PCDHGB2: variants seen among roughly 807,000 people sequenced by gnomAD.
The protein encoded by PCDHGB2 is protocadherin gamma-B2.
In PCDHGB2, 55 loss-of-function variants were observed where a neutral mutation model predicts 59.3. The ratio of observed to expected loss-of-function variants is 0.93; its 90% CI spans 0.75 to 1.16. The LOEUF (loss-of-function observed/expected upper bound fraction) is 1.16. PCDHGB2 is among the 50% of genes most tolerant of loss of function. PCDHGB2 has a pLI of 0.00. For synonymous variants in PCDHGB2, 516 were observed against 512.0 expected, an observed-to-expected ratio of 1.01 and a Z score of -0.11; for missense variants, 1,228 against 1,198.5, an observed-to-expected ratio of 1.02 and a Z score of -0.36.
At position 141,494,704 on chromosome 5, in the gene PCDHGB2, T is replaced by C. The variant is rs2099756232; in HGVS notation, c.2422-103T>C. Reference sequence around the variant, plus strand: ...CCCCCTCTTAGTCCGTTTTCTTCTCTGTGCCCACTCCCCTCCTTCTCTCCC... The same window carrying C: ...CCCCCTCTTAGTCCGTTTTCTTCTCCGTGCCCACTCCCCTCCTTCTCTCCC... On this transcript the variant is annotated intron_variant, in intron 1 of 3. Transcript: ENST00000522605. The C allele has an allele frequency of 3.1e-6, 5 of 1,597,570 alleles. No individual in the cohort carries two copies. The Admixed American group carries it at 8.5e-5, about 27-fold the overall frequency.
intron 1 of PCDHGB2, chr5:141,403,960 G>T (rs775638627): frequency 1.9e-6 from 3 of 1,613,776 alleles, no homozygotes; most frequent in South Asian, 2.2e-5. Context: ...TGCTCATTTC[G>T]GTGGAAGATG....
chr5:141,409,748 G>A (rs2095311209), intron 1 of PCDHGB2: 1 of 1,613,018 alleles, frequency 6.2e-7, no homozygotes, highest in Non-Finnish European at 8.5e-7. Context: ...GGTGGTGTTC[G>A]CGCAGCGCGC....
intron 1 of PCDHGB2, chr5:141,378,751 G>C (rs72790019): frequency 1.3e-5 from 2 of 152,014 alleles, no homozygotes; most frequent in African/African-American, 4.8e-5. Context: ...AAGAAAAAAG[G>C]GATTATCATT....
At chr5:141,421,974 C>T in intron 1 of PCDHGB2, 3 of 1,609,644 alleles carry the variant, frequency 1.9e-6, no homozygotes, top group African/African-American at 1.3e-5. Flanking sequence ...CCGTATATCG[C>T]GTGAGTGTTC....
At chr5:141,407,602 G>A (rs1395597779) in intron 1 of PCDHGB2, among the ~76,000 whole-genome samples, 2 of 152,064 alleles carry the variant, frequency 1.3e-5, no homozygotes, top group Non-Finnish European at 2.9e-5. Context: ...ATCTTAAAAA[G>A]AAGCATTGGT....
chr5:141,492,320 G>A (rs1001784912), intron 1 of PCDHGB2, among the ~76,000 whole-genome samples: 1 of 152,206 alleles, frequency 6.6e-6, no homozygotes. Flanking sequence ...CTCCTCGCAC[G>A]TGGGCTTACG....
At chr5:141,366,280 C>T (rs1764463733) in intron 1 of PCDHGB2, 1 of 1,613,692 alleles carries the variant, frequency 6.2e-7, no homozygotes, top group African/African-American at 1.3e-5. Context: ...AAGACCATGG[C>T]CAGCCCCCTC....
In PCDHGB2 at chr5:141,499,962, A is replaced by G. The variant is rs147527188; in HGVS notation, c.2480+5097A>G. Among the ~76,000 whole-genome samples the G allele has an allele frequency of 3.7e-3, 563 of 152,178 alleles. 5 individuals are homozygous for G. Among genetic ancestry groups the G allele is most frequent in the Admixed American group, 0.011 (164 of 15,288 alleles). On this transcript the variant is annotated intron_variant, in intron 2 of 3. Coordinates refer to ENST00000522605, the MANE Select transcript of PCDHGB2 (RefSeq NM_018923.3). ...CTCGGCCTCCCAAAATGTTGGGATT[A>G]CAGGTGTGAGCCACCTTGCCCGGCC...
At chr5:141,367,492 G>A (rs1260519213) in intron 1 of PCDHGB2, 2 of 152,030 alleles carry the variant, frequency 1.3e-5, no homozygotes, top group African/African-American at 2.4e-5. Context: ...AGCCGAGATC[G>A]CGCCACTGCA....
At chr5:141,385,408 A>G in intron 1 of PCDHGB2, 1 of 1,478,414 alleles carries the variant, frequency 6.8e-7, no homozygotes, top group Middle Eastern at 1.8e-4. Flanking sequence ...TGTTTTGAAA[A>G]TAGGGATTTA....
intron 1 of PCDHGB2, among the ~76,000 whole-genome samples, chr5:141,459,307 A>G (rs1175102009): frequency 6.6e-6 from 1 of 152,198 alleles, no homozygotes; most frequent in Non-Finnish European, 1.5e-5. Context: ...AACATATACT[A>G]TTTTGTATCC....
At chr5:141,423,882 C>T in intron 1 of PCDHGB2, 3 of 1,282,372 alleles carry the variant, frequency 2.3e-6, no homozygotes, top group Non-Finnish European at 3.0e-6. Context: ...TCAATCTTGG[C>T]ATATTTTCTT....
In PCDHGB2 at chr5:141,511,223, A is replaced by G. The variant is rs1193308928; in HGVS notation, c.*50A>G. On this transcript the variant is annotated 3_prime_UTR_variant, in exon 4 of 4. Transcript: ENST00000522605. ...AGGGCGGCCTCTCCCCAACCAGCCC[A>G]GCTTCTCCTTACCTGCACCCAGGCC... 1 of 1,604,390 alleles carries G rather than the reference A, an allele frequency of 6.2e-7. No individual in the cohort carries two copies.
intron 1 of PCDHGB2, chr5:141,479,417 T>A (rs2099495481): frequency 6.6e-6 from 1 of 152,210 alleles, no homozygotes; most frequent in Non-Finnish European, 1.5e-5. Context: ...ACTATGCTGA[T>A]CAATTGATCA....
intron 1 of PCDHGB2, chr5:141,415,740 G>GTTTTTTTTTTTTTTTTTTTTTTTTT: frequency 1.8e-5 from 11 of 617,990 alleles, no homozygotes; most frequent in Non-Finnish European, 2.4e-5. Context: ...GTTTATTAAG[G>GTTTTTTTTTTTTTTTTTTTTTTTTT]TTTTTTTTTT....
In PCDHGB2 at chr5:141,476,839, G is replaced by T; in HGVS notation, c.2422-17968G>T. The T allele has an allele frequency of 1.9e-6, 3 of 1,613,610 alleles. No individual in the cohort carries two copies. Among genetic ancestry groups the T allele is most frequent in the East Asian group, 2.2e-5 (1 of 44,862 alleles). ...AGGTGCTGGACGCGAATGACAATGC[G>T]CCTGTCTTCAACCAGTCCTTGTACC... On this transcript the variant is annotated intron_variant, in intron 1 of 3. Coordinates refer to ENST00000522605, the MANE Select transcript of PCDHGB2 (RefSeq NM_018923.3). This position sits in a 1 kb window ranked among gnomAD's most constrained non-coding sequence, Gnocchi z 7.6.
chr5:141,437,247 C>T (rs2097870457), intron 1 of PCDHGB2, among the ~76,000 whole-genome samples: 2 of 152,090 alleles, frequency 1.3e-5, no homozygotes, highest in Non-Finnish European at 2.9e-5. Context: ...AAGGACTTTC[C>T]TTGTCTTTTT....
intron 1 of PCDHGB2, among the ~76,000 whole-genome samples, chr5:141,470,717 A>G (rs1353989037): frequency 6.6e-6 from 1 of 152,010 alleles, no homozygotes; most frequent in Non-Finnish European, 1.5e-5. Flanking sequence ...TATTTTTTTG[A>G]GTCAGGGTCT....
At chr5:141,394,536 G>T in intron 1 of PCDHGB2, 2 of 1,614,188 alleles carry the variant, frequency 1.2e-6, no homozygotes, top group Non-Finnish European at 1.7e-6. Flanking sequence ...TTCCACTGGC[G>T]TGGAGCTGGC....
Sources: gnomAD v4.1 joint callset for allele counts (sites outside exome capture counted in the v4.1 genomes callset) on GRCh38, gnomAD v4.1.1 for gene constraint, Gnocchi (gnomAD v3.1) non-coding constraint, MANE v1.5 for transcripts, NCBI Gene and HGNC (gene_info 2026-07-23, HGNC 2026-07-21) for gene names.